The following RAVER2 variants were observed in gnomAD, a reference collection of about 807,000 sequenced individuals.
The protein encoded by RAVER2 is ribonucleoprotein PTB-binding 2.
In RAVER2, 46 loss-of-function variants were observed where a neutral mutation model predicts 78.1. The observed-to-expected ratio is 0.59, with a 90% CI of 0.46 to 0.75. The LOEUF is 0.75. Among genes scored for constraint, RAVER2 ranks in the 30% least tolerant of loss-of-function variants. RAVER2 has a pLI of 0.00. For synonymous variants in RAVER2, 311 were observed against 313.3 expected, an observed-to-expected ratio of 0.99 and a Z score of 0.08; for missense variants, 793 against 837.5, an observed-to-expected ratio of 0.95 and a Z score of 0.66.
exon 3 of RAVER2, chr1:64,778,003 C>T: frequency 6.2e-7 from 1 of 1,614,022 alleles, no homozygotes; most frequent in Non-Finnish European, 8.5e-7. Flanking sequence ...TTCTAAGTGC[C>T]TTTGTATTGA....
At chr1:64,767,657 C>T (rs932612749) in intron 1 of RAVER2, among the ~76,000 whole-genome samples, 1 of 151,898 alleles carries the variant, frequency 6.6e-6, no homozygotes, top group Non-Finnish European at 1.5e-5. Flanking sequence ...AGTCTAGTTC[C>T]TTTGAATATA....
At chr1:64,799,653 C>T (rs1653204506) in intron 5 of RAVER2, among the ~76,000 whole-genome samples, 1 of 152,112 alleles carries the variant, frequency 6.6e-6, no homozygotes, top group Non-Finnish European at 1.5e-5. Context: ...GTTGGCCAGG[C>T]TGATCTCGAG....
chr1:64,785,781 C>T (rs1051916537), intron 4 of RAVER2, among the ~76,000 whole-genome samples: 1 of 152,096 alleles, frequency 6.6e-6, no homozygotes, highest in Non-Finnish European at 1.5e-5. Context: ...ATATTGGTGT[C>T]TGCCTTTTTG....
At chr1:64,813,093 G>C (rs1158373777) in intron 10 of RAVER2, among the ~76,000 whole-genome samples, 2 of 152,110 alleles carry the variant, frequency 1.3e-5, no homozygotes, top group African/African-American at 4.8e-5. Flanking sequence ...AAACCTATAA[G>C]TAATCTTATA....
At chr1:64,752,867 A>T (rs947602894) in intron 1 of RAVER2, among the ~76,000 whole-genome samples, 3 of 152,146 alleles carry the variant, frequency 2.0e-5, no homozygotes, top group Admixed American at 1.3e-4. Flanking sequence ...ATGCAGAGAC[A>T]TATGGCTCTG....
At chr1:64,755,724 G>GTTTTTTTT (rs753375050) in intron 1 of RAVER2, among the ~76,000 whole-genome samples, 16 of 60,664 alleles carry the variant, frequency 2.6e-4, no homozygotes, top group East Asian at 5.1e-4. Context: ...ATGCTTCATA[G>GTTTTTTTT]TTTTTTTTTT....
Position 64,768,645 on chromosome 1 carries a change from T to C in RAVER2, c.250-11T>C. ...GTATGTTTACTGAATTCGTGTTTTT[T>C]TCTCTTTCAGGAAGTTCATGATTTG... On this transcript the variant is annotated splice_polypyrimidine_tract_variant and intron_variant, in intron 1 of 11. Coordinates refer to ENST00000294428, the Ensembl canonical transcript of RAVER2. 6.5e-7 allele frequency: 1 copy of C among 1,529,552 alleles called. No homozygotes were observed. The highest frequency in any genetic ancestry group is 9.0e-7 in the Non-Finnish European group (1 of 1,106,632). 94.7% of individuals were successfully genotyped at this position (1,529,552 alleles called of 1,614,324 possible).
chr1:64,777,568 T>G, intron 2 of RAVER2, 55 bp from the exon 3 acceptor site: 1 of 1,409,588 alleles, frequency 7.1e-7, no homozygotes, highest in Non-Finnish European at 9.7e-7. Context: ...GATATATTTC[T>G]TACTGTGTTT....
intron 1 of RAVER2, among the ~76,000 whole-genome samples, chr1:64,764,755 A>G (rs926195241): frequency 6.6e-6 from 1 of 152,196 alleles, no homozygotes; most frequent in Non-Finnish European, 1.5e-5. Flanking sequence ...CAGGCTGGAA[A>G]CTCAGGCAGC....
Position 64,781,591 on chromosome 1 carries a change from G to T in RAVER2, c.978+20G>T. On this transcript the variant is annotated intron_variant, in intron 4 of 11. Coordinates refer to ENST00000294428, the Ensembl canonical transcript of RAVER2. ...CGTGTGGTAAGTTTTTTCTCTTTCT[G>T]TCTCTTTTTTTAGAGTATAGAAAAT... is the stretch of plus-strand genomic sequence containing the variant. 6.3e-7 allele frequency: 1 copy of T among 1,597,942 alleles called. No individual in the cohort carries two copies. The highest frequency in any genetic ancestry group is 8.5e-7 in the Non-Finnish European group (1 of 1,173,346).
rs757352892 is a variant in RAVER2 at position 64,831,006 on chromosome 1, C to A, written c.*21C>A. ...ACTGAGTTAAGCTCTCTCCTAATAA[C>A]CCCCTAAGGTTCTCTGCAGTATCTC... is the stretch of plus-strand genomic sequence containing the variant. On this transcript the variant is annotated 3_prime_UTR_variant, in exon 12 of 12. Coordinates refer to ENST00000294428, the Ensembl canonical transcript of RAVER2. 2.5e-6 allele frequency: 4 copies of A among 1,607,912 alleles called. No homozygotes were observed. The South Asian group carries it at 4.4e-5, about 18-fold the overall frequency.
exon 10 of RAVER2, chr1:64,812,821 A>C: frequency 6.2e-7 from 1 of 1,611,930 alleles, no homozygotes. Context: ...TGAATTTGGC[A>C]AGTGTGTTGC....
intron 1 of RAVER2, among the ~76,000 whole-genome samples, chr1:64,752,312 T>G (rs1217536614): frequency 1.3e-5 from 2 of 152,218 alleles, no homozygotes; most frequent in Non-Finnish European, 2.9e-5. Context: ...GTTGGCTGCT[T>G]CCTCTTTAAA....
intron 1 of RAVER2, among the ~76,000 whole-genome samples, chr1:64,759,678 G>A (rs1420977872): frequency 6.6e-6 from 1 of 151,792 alleles, no homozygotes; most frequent in Non-Finnish European, 1.5e-5. Context: ...CACCACGCCC[G>A]GCTAATGTTT....
At chr1:64,818,049 C>A (rs1653795395) in intron 11 of RAVER2, among the ~76,000 whole-genome samples, 2 of 152,114 alleles carry the variant, frequency 1.3e-5, no homozygotes, top group African/African-American at 4.8e-5. Flanking sequence ...TTTCTTCAGG[C>A]ATGGAAGTAA....
rs116244399 is a variant in RAVER2, at chr1:64,768,643, T to G, written c.250-13T>G. 5.3e-6 allele frequency: 8 copies of G among 1,521,718 alleles called. No homozygotes were observed. Among genetic ancestry groups the G allele is most frequent in the Non-Finnish European group, 7.3e-6 (8 of 1,099,502 alleles). 94.3% of individuals were successfully genotyped at this position (1,521,718 alleles called of 1,614,324 possible). The stretch of plus-strand genomic sequence containing the variant: ...TTGTATGTTTACTGAATTCGTGTTT[T>G]TTTCTCTTTCAGGAAGTTCATGATT... On this transcript the variant is annotated splice_polypyrimidine_tract_variant and intron_variant, in intron 1 of 11. Coordinates refer to ENST00000294428, the Ensembl canonical transcript of RAVER2.
At chr1:64,785,175 A>G (rs1183523047) in intron 4 of RAVER2, among the ~76,000 whole-genome samples, 2 of 152,170 alleles carry the variant, frequency 1.3e-5, no homozygotes, top group African/African-American at 4.8e-5. Context: ...AATGTTTTCT[A>G]TAGGTTTTTG....
chr1:64,807,445 C>A, exon 9 of RAVER2: 1 of 1,614,040 alleles, frequency 6.2e-7, no homozygotes, highest in Non-Finnish European at 8.5e-7. Flanking sequence ...GCAGCAAAGC[C>A]AGCCAAAAGG....
chr1:64,783,968 A>G (rs778598224), intron 4 of RAVER2, among the ~76,000 whole-genome samples: 2 of 152,230 alleles, frequency 1.3e-5, no homozygotes, highest in Non-Finnish European at 2.9e-5. Context: ...GTCTAATGCA[A>G]TGTAGTTTCT....
Sources: allele counts gnomAD v4.1 joint callset (sites outside exome capture counted in the v4.1 genomes callset), GRCh38; gene constraint gnomAD v4.1.1; transcripts MANE v1.5; gene names NCBI Gene and HGNC (gene_info 2026-07-23, HGNC 2026-07-21).